Variants in SGCZ observed in about 807,000 individuals in gnomAD.
The protein encoded by SGCZ is sarcoglycan zeta, also known as zeta-sarcoglycan.
SGCZ carries 40 observed loss-of-function variants against 41.3 expected under a neutral mutation model. The ratio of observed to expected loss-of-function variants is 0.97; its 90% CI spans 0.75 to 1.26. The LOEUF (loss-of-function observed/expected upper bound fraction) is 1.26, where lower values mean the gene tolerates loss of function less well. Ranked by LOEUF, SGCZ falls within the 50% of genes most tolerant of loss-of-function variation. The pLI is 0.00. For missense variants in SGCZ, 552 were observed against 369.8 expected (o/e 1.49, Z -4.04); for synonymous variants, 206 against 137.5 (o/e 1.50, Z -3.49).
At chr8:14,882,923 C>T (rs1416971833) in intron 1 of SGCZ, among the ~76,000 whole-genome samples, 1 of 152,084 alleles carries the variant, frequency 6.6e-6, no homozygotes, top group South Asian at 2.1e-4. Flanking sequence ...TGGTGTGGAA[C>T]AAGTGCACGA....
At chr8:14,343,539 AAT>A (rs1469041008) in intron 2 of SGCZ, among the ~76,000 whole-genome samples, 3 of 152,196 alleles carry the variant, frequency 2.0e-5, no homozygotes, top group Non-Finnish European at 2.9e-5. Flanking sequence ...GCTAAATTTA[AAT>A]ATATAAGAAT....
chr8:14,300,250 G>A (rs1170905099), intron 3 of SGCZ, among the ~76,000 whole-genome samples: 6 of 150,742 alleles, frequency 4.0e-5, no homozygotes, highest in Admixed American at 3.3e-4. Context: ...AATACAGGAA[G>A]GAAGGAAGGA....
chr8:14,168,573 C>CT (rs781588041), intron 4 of SGCZ, among the ~76,000 whole-genome samples: 36 of 152,258 alleles, frequency 2.4e-4, no homozygotes, highest in South Asian at 8.3e-4. Flanking sequence ...TAAGATGTGA[C>CT]TTGCTCCTCC....
Position 15,070,008 on chromosome 8 carries a change from T to C in SGCZ, c.39+167577A>G, listed in dbSNP as rs371819334. On this transcript the variant is annotated intron_variant, in intron 1 of 7. Transcript: ENST00000382080. Reference sequence around the variant, plus strand: ...ATAAAGTAATTTAGGCAAATAAGTATGTTGTTTTTGGTGTTAAGATTCCCT... The same window carrying C: ...ATAAAGTAATTTAGGCAAATAAGTACGTTGTTTTTGGTGTTAAGATTCCCT... Among the ~76,000 whole-genome samples, 12 of 152,198 alleles carry C rather than the reference T, an allele frequency of 7.9e-5. No homozygotes were observed. The South Asian group carries it at 2.1e-3, about 26-fold the overall frequency.
intron 1 of SGCZ, among the ~76,000 whole-genome samples, chr8:15,178,637 G>T (rs1425533775): frequency 6.6e-6 from 1 of 152,158 alleles, no homozygotes; most frequent in East Asian, 1.9e-4. Context: ...CTGGAACACT[G>T]TACCCATTGA....
At chr8:14,901,441 G>T (rs1009506921) in intron 1 of SGCZ, among the ~76,000 whole-genome samples, 1 of 152,118 alleles carries the variant, frequency 6.6e-6, no homozygotes, top group Non-Finnish European at 1.5e-5. Flanking sequence ...AGAATAAAAC[G>T]TAGGCGTATA....
At chr8:15,142,709 T>C (rs1798924911) in intron 1 of SGCZ, among the ~76,000 whole-genome samples, 1 of 131,348 alleles carries the variant, frequency 7.6e-6, no homozygotes, top group Non-Finnish European at 1.6e-5. Context: ...CCTCCTGGGC[T>C]CAAGTCATCC....
Position 14,380,985 on chromosome 8 carries a change from C to G in SGCZ, c.235-56781G>C, listed in dbSNP as rs1355122044. On this transcript the variant is annotated intron_variant, in intron 2 of 7. Transcript: ENST00000382080. ...CACACTATGCGTATTCCTAATCGTT[C>G]TTAGCATATTCTTTCCTGCACATAC... Among the ~76,000 whole-genome samples, 5 of 152,192 alleles carry G rather than the reference C, an allele frequency of 3.3e-5. No homozygotes were observed. In the East Asian group the frequency reaches 7.7e-4, roughly 23 times the overall value.
At chr8:14,242,095 A>G (rs1043233208) in intron 3 of SGCZ, among the ~76,000 whole-genome samples, 1 of 152,188 alleles carries the variant, frequency 6.6e-6, no homozygotes, top group Non-Finnish European at 1.5e-5. Flanking sequence ...CAGATAATTA[A>G]CAATCATACA....
At chr8:14,984,693 A>C (rs1801773879) in intron 1 of SGCZ, among the ~76,000 whole-genome samples, 1 of 152,172 alleles carries the variant, frequency 6.6e-6, no homozygotes, top group South Asian at 2.1e-4. Context: ...CTTTTGAATA[A>C]TGTAATATGA....
chr8:14,332,086 C>A (rs1802348124), intron 2 of SGCZ, among the ~76,000 whole-genome samples: 1 of 151,926 alleles, frequency 6.6e-6, no homozygotes, highest in Non-Finnish European at 1.5e-5. Flanking sequence ...ATATCACTAG[C>A]CTCAAAGAAC....
chr8:15,015,741 G>A (rs1345505530), intron 1 of SGCZ, among the ~76,000 whole-genome samples: 11 of 148,172 alleles, frequency 7.4e-5, no homozygotes, highest in South Asian at 4.3e-4. Flanking sequence ...GTGTGTGTGT[G>A]TGTGTGTGTG....
intron 1 of SGCZ, among the ~76,000 whole-genome samples, chr8:14,851,478 T>C (rs571199522): frequency 1.6e-4 from 25 of 152,204 alleles, no homozygotes; most frequent in African/African-American, 5.8e-4. Context: ...TATTTAACTT[T>C]GGCTTCCTGC....
At chr8:14,716,336 C>T (rs929877935) in intron 1 of SGCZ, among the ~76,000 whole-genome samples, 2 of 151,932 alleles carry the variant, frequency 1.3e-5, no homozygotes, top group Non-Finnish European at 2.9e-5. Context: ...TCATAAACTT[C>T]AAAATTTTTC....
At chr8:14,110,328 T>G (rs891359872) in intron 5 of SGCZ, among the ~76,000 whole-genome samples, 4 of 152,144 alleles carry the variant, frequency 2.6e-5, no homozygotes, top group Non-Finnish European at 5.9e-5. Flanking sequence ...ATTTCCCAGA[T>G]AAGGTGACAG....
intron 1 of SGCZ, among the ~76,000 whole-genome samples, chr8:14,751,841 A>C (rs764286464): frequency 6.6e-6 from 1 of 151,102 alleles, no homozygotes; most frequent in Non-Finnish European, 1.5e-5. Flanking sequence ...GAGCCACTGC[A>C]CCCGGCCATG....
chr8:14,138,044 G>A (rs1253497860), intron 5 of SGCZ, among the ~76,000 whole-genome samples: 1 of 152,156 alleles, frequency 6.6e-6, no homozygotes. Context: ...TTAAAGAAAA[G>A]AATTTTCAAC....
At position 14,504,338 on chromosome 8, in the gene SGCZ, G is replaced by T. The variant is rs543095185; in HGVS notation, c.234+50394C>A. ...TCTTTAATTAATCAGGGCCCATGGG[G>T]GCTAGAAATTCTGATTAGTTATCTG... On this transcript the variant is annotated intron_variant, in intron 2 of 7. Coordinates refer to ENST00000382080, the MANE Select transcript of SGCZ (RefSeq NM_139167.4). Among the ~76,000 whole-genome samples the T allele has an allele frequency of 4.9e-4, 75 of 152,062 alleles. 1 individual carries two copies. Among genetic ancestry groups the T allele is most frequent in the Non-Finnish European group, 8.7e-4 (59 of 68,004 alleles).
intron 1 of SGCZ, among the ~76,000 whole-genome samples, chr8:14,598,972 AT>A (rs1468528615): frequency 2.6e-5 from 4 of 152,068 alleles, no homozygotes; most frequent in African/African-American, 7.2e-5. Flanking sequence ...TGCTCAATTA[AT>A]TTTTGATCAT....
Sources: gnomAD v4.1 joint callset for allele counts (sites outside exome capture counted in the v4.1 genomes callset) on GRCh38, gnomAD v4.1.1 for gene constraint, MANE v1.5 for transcripts, NCBI Gene and HGNC (gene_info 2026-07-23, HGNC 2026-07-21) for gene names.